Variants in YLPM1 observed in about 807,000 individuals in gnomAD.
The protein encoded by YLPM1 is YLP motif-containing protein 1.
A neutral mutation model predicts 230.0 loss-of-function variants in YLPM1; 99 were observed. The observed-to-expected ratio is 0.43, with a 90% CI of 0.37 to 0.51. YLPM1 has a LOEUF of 0.51. YLPM1 is among the 20% of genes least tolerant of loss of function. The pLI, the probability that YLPM1 is intolerant of heterozygous loss-of-function variation, is 0.00. For missense variants in YLPM1, 2,592 were observed against 2,707.7 expected, an observed-to-expected ratio of 0.96 and a Z score of 0.95; for synonymous variants, 984 against 942.5, an observed-to-expected ratio of 1.04 and a Z score of -0.81.
chr14:74,782,241 C>T lies in YLPM1; in HGVS notation c.2198C>T (p.Ala733Val). The change falls in exon 4 of 21, where the codon GCA (alanine) becomes GTA (valine). Residue 733 changes from alanine to valine, a missense_variant. Transcript: ENST00000325680. ...SSAAPSQPIT[A>V]VKDMPVRSGG... The stretch of plus-strand genomic sequence containing the variant: ...GCTGCTCCATCTCAGCCAATCACTG[C>T]AGTGAAGGACATGCCAGTGAGATCA... The T allele has an allele frequency of 6.3e-7, 1 of 1,596,520 alleles. No individual in the cohort carries two copies.
rs754434801 is a variant in YLPM1, at chr14:74,799,619, G to A, written c.4322G>A (p.Gly1441Asp). Residue 1441 changes from glycine to aspartate, a missense_variant, in exon 5 of 21, where the codon GGC becomes GAC. By Grantham distance (94) the Gly-to-Asp change is moderately conservative. Transcript: ENST00000325680. ...GATGCAAGCTTAGACTCTGACCAAG[G>A]CCTTGGAGGGGTAATGGTTCTCAGT... ...GSDASLDSDQGLGGVMVLSQR... is the reference protein window; with the variant it reads ...GSDASLDSDQDLGGVMVLSQR... 6.2e-7 allele frequency: 1 copy of A among 1,613,974 alleles called. No homozygotes were observed. Among genetic ancestry groups the A allele is most frequent in the East Asian group, 2.2e-5 (1 of 44,876 alleles).
chr14:74,787,629 T>G (rs1407268319), intron 4 of YLPM1, among the ~76,000 whole-genome samples: 1 of 151,942 alleles, frequency 6.6e-6, no homozygotes, highest in East Asian at 1.9e-4. Context: ...CTCAGTATAG[T>G]AGAAAAGTAG....
chr14:74,821,145 A>G lies in YLPM1; in HGVS notation c.6111+8A>G, dbSNP rs1201149467. On this transcript the variant is annotated splice_region_variant and intron_variant, in intron 17 of 20. Transcript: ENST00000325680. The stretch of plus-strand genomic sequence containing the variant: ...GAAGAGGAAAGCGAACTGGTAGGAG[A>G]CAGACCAACCACTTTGAACAGTGTC... 3 of 1,540,254 alleles carry G rather than the reference A, an allele frequency of 1.9e-6. No homozygotes were observed. Among genetic ancestry groups the G allele is most frequent in the Non-Finnish European group, 2.6e-6 (3 of 1,142,500 alleles).
At chr14:74,784,940 C>A (rs183466575) in intron 4 of YLPM1, among the ~76,000 whole-genome samples, 1 of 152,284 alleles carries the variant, frequency 6.6e-6, no homozygotes, top group African/African-American at 2.4e-5. Flanking sequence ...TGAACACTTA[C>A]TTCAGATGCA....
At chr14:74,808,648 C>G (rs938712181) in intron 6 of YLPM1, among the ~76,000 whole-genome samples, 45 of 151,942 alleles carry the variant, frequency 3.0e-4, no homozygotes, top group African/African-American at 1.1e-3. Context: ...ACTAAAAATA[C>G]AAAAAATCAG....
At chr14:74,821,418 A>G in intron 17 of YLPM1, 1 of 252,562 alleles carries the variant, frequency 4.0e-6, no homozygotes. Context: ...ACCTTTTAAG[A>G]AAATCAATTA....
intron 16 of YLPM1, among the ~76,000 whole-genome samples, chr14:74,820,336 C>A (rs553308943): frequency 6.6e-6 from 1 of 152,290 alleles, no homozygotes; most frequent in Admixed American, 6.5e-5. Context: ...TGCTGCCTCA[C>A]CTCCTGGGTT....
intron 18 of YLPM1, 100 bp from the exon 19 acceptor site, chr14:74,829,113 A>C: frequency 7.0e-7 from 1 of 1,420,108 alleles, no homozygotes; most frequent in Non-Finnish European, 9.6e-7. Flanking sequence ...AAATGTGGAT[A>C]TGCCCTCTGA....
chr14:74,782,004 C>A lies in YLPM1; in HGVS notation c.1961C>A (p.Ala654Asp), dbSNP rs528287760. The A allele has an allele frequency of 6.2e-7, 1 of 1,613,920 alleles. No individual in the cohort carries two copies. The highest frequency in any genetic ancestry group is 2.2e-5 in the East Asian group (1 of 44,886). The change falls in exon 4 of 21, where the codon GCC (alanine) becomes GAC (aspartate). Residue 654 changes from alanine to aspartate, a missense_variant. Coordinates refer to ENST00000325680, the MANE Select transcript of YLPM1 (RefSeq NM_019589.3). ...TTAACAGCAGCCCCAGTTCCACCAGCCTCCAGTTCACAGAGCTCGCAAGTT... is the reference window on the plus strand; with the variant it reads ...TTAACAGCAGCCCCAGTTCCACCAGACTCCAGTTCACAGAGCTCGCAAGTT... ...PQLTAAPVPP[A>D]SSSQSSQVPE...
rs1439288529 is a variant in YLPM1 at position 74,764,162 on chromosome 14, T to A, written c.673T>A (p.Leu225Met). The A allele has an allele frequency of 6.2e-7, 1 of 1,613,198 alleles. No individual in the cohort carries two copies. The highest frequency in any genetic ancestry group is 1.7e-5 in the Admixed American group (1 of 59,924). The change falls in exon 1 of 21, where the codon TTG becomes ATG. Residue 225 changes from leucine to methionine, a missense_variant. Coordinates refer to ENST00000325680, the MANE Select transcript of YLPM1 (RefSeq NM_019589.3). ...CTATTTGAGCCATTCCCAGTCCTAC[T>A]TGCCCTCTTCTCAGGCATCTCCTTC... ...QSYLSHSQSY[L>M]PSSQASPSRP...
intron 2 of YLPM1, among the ~76,000 whole-genome samples, chr14:74,779,864 C>T (rs149196765): frequency 0.017 from 2,588 of 150,088 alleles, 83 homozygotes; most frequent in African/African-American, 0.061. Flanking sequence ...AGTGCAGTGA[C>T]GCGATCTTGG....
intron 4 of YLPM1, among the ~76,000 whole-genome samples, chr14:74,788,185 A>G (rs113308238): frequency 6.6e-6 from 1 of 151,046 alleles, no homozygotes; most frequent in Admixed American, 6.6e-5. Flanking sequence ...CAGTGGCGCA[A>G]TCTCAGCTCA....
intron 2 of YLPM1, 110 bp downstream of exon 2, chr14:74,778,793 T>G: frequency 1.7e-4 from 133 of 797,848 alleles, no homozygotes; most frequent in Middle Eastern, 3.8e-4. Flanking sequence ...TTTAGGTACC[T>G]ATAAAGTTGC....
At chr14:74,810,687 A>G (rs889444085) in intron 9 of YLPM1, among the ~76,000 whole-genome samples, 1 of 151,416 alleles carries the variant, frequency 6.6e-6, no homozygotes, top group Non-Finnish European at 1.5e-5. Flanking sequence ...TCAGTAGGCA[A>G]GCAATTTATT....
At position 74,802,181 on chromosome 14, in the gene YLPM1, G is replaced by A. The variant is rs181906253; in HGVS notation, c.4401-375G>A. 8.3e-4 allele frequency among the ~76,000 whole-genome samples: 121 copies of A among 146,342 alleles called. 1 individual carries two copies. Among genetic ancestry groups the A allele is most frequent in the African/African-American group, 3.0e-3 (118 of 39,644 alleles). ...TGTAGTGAGCTGAGATCGCGCCATT[G>A]CACTCCAGCCCAGGCGACAGAGTGA... On this transcript the variant is annotated intron_variant, in intron 5 of 20. Transcript: ENST00000325680.
chr14:74,799,285 TCTCTTCCACCTTTACCGCCCCTCCCAC>T lies in YLPM1; in HGVS notation c.4002_4028del (p.Pro1335_Leu1343del). On this transcript the variant is annotated inframe_deletion, in exon 5 of 21. Coordinates refer to ENST00000325680, the MANE Select transcript of YLPM1 (RefSeq NM_019589.3). ...ACAGTTTCGTGAACGGGATATTCCATCTCTTCCACCTTTACCGCCCCTCCCACCTCTTCCACCTTTGGATAGATATCG... is the reference window on the plus strand; with the variant it reads ...ACAGTTTCGTGAACGGGATATTCCATCTCTTCCACCTTTGGATAGATATCG... The T allele has an allele frequency of 6.2e-7, 1 of 1,613,954 alleles. No individual in the cohort carries two copies.
chr14:74,810,280 T>A lies in YLPM1; in HGVS notation c.5088T>A (p.Phe1696Leu). ...YDRERDREPY[F>L]DRQSNVIADH... ...GAGAAAGAGATCGTGAGCCTTATTT[T>A]GATCGTCAAAGTAATGTCATAGCAG... is the stretch of plus-strand genomic sequence containing the variant. Residue 1696 changes from phenylalanine (F) to leucine (L), a missense_variant, in exon 9 of 21, where the codon TTT becomes TTA. This residue lies in a region of YLPM1 where 403 missense variants were observed against 426.7 expected (regional missense o/e 0.94). Transcript: ENST00000325680. The A allele has an allele frequency of 6.2e-7, 1 of 1,613,968 alleles. No individual in the cohort carries two copies. Among genetic ancestry groups the A allele is most frequent in the South Asian group, 1.1e-5 (1 of 91,084 alleles).
At chr14:74,805,570 C>A (rs796426646) in intron 6 of YLPM1, among the ~76,000 whole-genome samples, 82 of 151,592 alleles carry the variant, frequency 5.4e-4, no homozygotes, top group African/African-American at 1.9e-3. Flanking sequence ...AGGCTGGTCT[C>A]GAACTCCTGG....
At chr14:74,784,595 TTG>T (rs2091128626) in intron 4 of YLPM1, among the ~76,000 whole-genome samples, 1 of 152,244 alleles carries the variant, frequency 6.6e-6, no homozygotes, top group African/African-American at 2.4e-5. Context: ...ATGCTTAACA[TTG>T]GCATTGTGAT....
Sources: allele counts gnomAD v4.1 joint callset (sites outside exome capture counted in the v4.1 genomes callset), GRCh38; gene constraint gnomAD v4.1.1; regional missense constraint gnomAD v4.1.1; transcripts MANE v1.5; gene names NCBI Gene and HGNC (gene_info 2026-07-23, HGNC 2026-07-21).